The following APOO variants were observed in gnomAD, a reference collection of about 807,000 sequenced individuals.
The protein encoded by APOO is apolipoprotein O, also known as MICOS complex subunit MIC26.
A neutral mutation model predicts 23.1 loss-of-function variants in APOO; 11 were observed. The observed-to-expected ratio is 0.48, with a 90% confidence interval of 0.30 to 0.79. The LOEUF (loss-of-function observed/expected upper bound fraction) is 0.79. Ranked by LOEUF, APOO falls within the 30% of genes least tolerant of loss-of-function variation. APOO has a pLI of 0.07. For synonymous variants in APOO, 59 were observed against 54.8 expected, an observed-to-expected ratio of 1.08 and a Z score of -0.34; for missense variants, 160 against 142.7, an observed-to-expected ratio of 1.12 and a Z score of -0.62.
At chrX:23,843,579 C>CTTTTTTT (rs747271141) in intron 7 of APOO, among the ~76,000 whole-genome samples, 1 of 61,737 alleles carries the variant, frequency 1.6e-5, no homozygotes, top group Admixed American at 2.0e-4. Flanking sequence ...ATGACAATTT[C>CTTTTTTT]TTTTTTTTTT....
chrX:23,838,357 C>CAAAAAAAAAAAAAA (rs764414297), intron 8 of APOO, among the ~76,000 whole-genome samples: 3 of 20,017 alleles, frequency 1.5e-4, no homozygotes, highest in Admixed American at 7.0e-4. Context: ...AACTCTATCT[C>CAAAAAAAAAAAAAA]AAAAAAAAAA....
chrX:23,895,680 T>A (rs1001588664), intron 1 of APOO, among the ~76,000 whole-genome samples: 9 of 110,842 alleles, frequency 8.1e-5, no homozygotes, highest in Non-Finnish European at 1.5e-4. Flanking sequence ...ACAATATTAG[T>A]CTTCATTAAA....
At chrX:23,839,152 G>GT (rs1923856989) in intron 8 of APOO, among the ~76,000 whole-genome samples, 1 of 111,840 alleles carries the variant, frequency 8.9e-6, no homozygotes, top group African/African-American at 3.3e-5. Context: ...AGCTCCCCGG[G>GT]TAATAGTTTG....
intron 5 of APOO, among the ~76,000 whole-genome samples, chrX:23,865,798 C>T (rs1436659469): frequency 9.0e-6 from 1 of 111,075 alleles, no homozygotes; most frequent in Non-Finnish European, 1.9e-5. Flanking sequence ...ATACCCAACG[C>T]TCAGGAGAAA....
chrX:23,901,802 G>A (rs1438540715), intron 1 of APOO, among the ~76,000 whole-genome samples: 1 of 112,179 alleles, frequency 8.9e-6, no homozygotes. Flanking sequence ...AGGTTGGTAA[G>A]CATCTCATCC....
chrX:23,865,168 C>A (rs766928153), intron 5 of APOO, among the ~76,000 whole-genome samples: 2 of 111,601 alleles, frequency 1.8e-5, no homozygotes, highest in East Asian at 2.8e-4. Context: ...GTGTCAACAA[C>A]CACGTGTCAT....
In APOO at chrX:23,881,326, C is replaced by T. The variant is rs938285717; in HGVS notation, c.10-374G>A. ...CCGACTTCAGGTAATTCGCCCGCCT[C>T]GGCCTCCCAAAGTGCTGAGATTACA... On this transcript the variant is annotated intron_variant, in intron 1 of 8. Transcript: ENST00000379226. 7.3e-5 allele frequency among the ~76,000 whole-genome samples: 8 copies of T among 109,064 alleles called. 1 individual carries two copies. Among genetic ancestry groups the T allele is most frequent in the South Asian group, 3.9e-4 (1 of 2,566 alleles). 94.7% of individuals were successfully genotyped at this position (109,064 alleles called of 115,157 possible). A position where few individuals can be genotyped will look rare whatever the true frequency, so the allele number is the denominator to read the frequency against.
At chrX:23,876,114 A>T (rs1448254199) in intron 3 of APOO, among the ~76,000 whole-genome samples, 1 of 110,163 alleles carries the variant, frequency 9.1e-6, no homozygotes, top group Admixed American at 9.7e-5. Flanking sequence ...ATACAAAAAA[A>T]TTAGCCGGGC....
At chrX:23,907,651 G>C (rs1273380817) in intron 1 of APOO, 43 bp downstream of exon 1, 2 of 1,146,687 alleles carry the variant, frequency 1.7e-6, no homozygotes, top group African/African-American at 1.8e-5. Flanking sequence ...TCGGGCGGCC[G>C]GGAGGGGGCG....
At chrX:23,906,402 GA>G (rs1396017489) in intron 1 of APOO, among the ~76,000 whole-genome samples, 3 of 112,522 alleles carry the variant, frequency 2.7e-5, no homozygotes, top group African/African-American at 9.7e-5. Flanking sequence ...GGGATCCTCT[GA>G]AATCTATGTG....
chrX:23,894,915 C>T (rs1458519259), intron 1 of APOO, among the ~76,000 whole-genome samples: 2 of 110,943 alleles, frequency 1.8e-5, no homozygotes, highest in Non-Finnish European at 1.9e-5. Flanking sequence ...GAGGCCGAGG[C>T]GGGCAGATCA....
At chrX:23,835,041 T>C (rs1413878999) in intron 8 of APOO, among the ~76,000 whole-genome samples, 1 of 106,214 alleles carries the variant, frequency 9.4e-6, no homozygotes, top group East Asian at 2.9e-4. Flanking sequence ...TAATTTGTAA[T>C]GAATATACTC....
chrX:23,845,775 G>C (rs1052885878), intron 7 of APOO, among the ~76,000 whole-genome samples: 1 of 112,160 alleles, frequency 8.9e-6, no homozygotes, highest in Non-Finnish European at 1.9e-5. Flanking sequence ...TTCCTGCTGA[G>C]CCAGCAAGGG....
At chrX:23,907,525 C>G (rs1183007116) in intron 1 of APOO, among the ~76,000 whole-genome samples, 169 bp downstream of exon 1, 1 of 112,728 alleles carries the variant, frequency 8.9e-6, no homozygotes, top group East Asian at 2.8e-4. Context: ...CCGCTCATCC[C>G]CAGTAGACCA....
At chrX:23,878,589 G>A (rs1040105373) in intron 3 of APOO, among the ~76,000 whole-genome samples, 3 of 112,361 alleles carry the variant, frequency 2.7e-5, no homozygotes, top group African/African-American at 9.7e-5. Context: ...GAATCTATCC[G>A]CTCAAGCATT....
chrX:23,873,909 A>T (rs1304549338), intron 4 of APOO, among the ~76,000 whole-genome samples: 1 of 111,569 alleles, frequency 9.0e-6, no homozygotes, highest in African/African-American at 3.3e-5. Flanking sequence ...GTATGTGATA[A>T]GTGGCCCACA....
intron 5 of APOO, among the ~76,000 whole-genome samples, chrX:23,861,913 C>G (rs1384662653): frequency 3.8e-5 from 4 of 105,666 alleles, no homozygotes; most frequent in Non-Finnish European, 7.7e-5. Flanking sequence ...AAGTGATTCT[C>G]TAGCCTCAGC....
At chrX:23,861,794 T>G (rs1178279716) in intron 5 of APOO, among the ~76,000 whole-genome samples, 1 of 93,258 alleles carries the variant, frequency 1.1e-5, no homozygotes, top group Non-Finnish European at 2.1e-5. Context: ...AGACAGGGAG[T>G]TCTTTTTTTT....
chrX:23,846,594 A>C (rs1236386738), intron 7 of APOO, among the ~76,000 whole-genome samples: 1 of 96,787 alleles, frequency 1.0e-5, no homozygotes, highest in East Asian at 3.2e-4. Flanking sequence ...GCACCACTGC[A>C]CTCCAGCCTG....
Sources: gnomAD v4.1 joint callset for allele counts (sites outside exome capture counted in the v4.1 genomes callset) on GRCh38, gnomAD v4.1.1 for gene constraint, MANE v1.5 for transcripts, NCBI Gene and HGNC (gene_info 2026-07-23, HGNC 2026-07-21) for gene names.